Variants in FREM1 observed in about 807,000 individuals in gnomAD.
FREM1 encodes FRAS1 related extracellular matrix 1.
A neutral mutation model predicts 210.1 loss-of-function variants in FREM1; 220 were observed. That is an observed-to-expected ratio of 1.05 (90% CI 0.94 to 1.17). FREM1 has a LOEUF of 1.17. Ranked by LOEUF, FREM1 falls within the 50% of genes most tolerant of loss-of-function variation. The probability of loss-of-function intolerance (pLI) is 0.00; values close to 1 mark genes in which losing one functional copy is unlikely to be tolerated. For synonymous variants in FREM1, 1,189 were observed against 980.2 expected (o/e 1.21, Z -3.98); for missense variants, 3,454 against 2,675.5 (o/e 1.29, Z -6.42).
intron 10 of FREM1, among the ~76,000 whole-genome samples, chr9:14,833,766 T>C (rs1463446904): frequency 6.6e-6 from 1 of 152,230 alleles, no homozygotes; most frequent in Non-Finnish European, 1.5e-5. Context: ...TTTCTTTTTT[T>C]GGATGTTGTT....
chr9:14,786,265 C>T (rs1850411567), intron 23 of FREM1, among the ~76,000 whole-genome samples: 1 of 152,158 alleles, frequency 6.6e-6, no homozygotes, highest in Admixed American at 6.5e-5. Flanking sequence ...GAGCCCAGAG[C>T]ACAAGCTCTT....
intron 7 of FREM1, among the ~76,000 whole-genome samples, 176 bp from the exon 8 acceptor site, chr9:14,846,267 C>A (rs909746324): frequency 1.3e-5 from 2 of 152,086 alleles, no homozygotes; most frequent in African/African-American, 4.8e-5. Context: ...GAACAGAAAA[C>A]CAAACACCAC....
chr9:14,770,918 T>C (rs554128249), intron 25 of FREM1, 112 bp from the exon 26 acceptor site: 2 of 696,960 alleles, frequency 2.9e-6, no homozygotes, highest in Admixed American at 2.4e-5. Context: ...GGATTCCTTA[T>C]ACTCCTCACT....
At chr9:14,865,868 C>G (rs1831427551) in intron 2 of FREM1, among the ~76,000 whole-genome samples, 1 of 152,138 alleles carries the variant, frequency 6.6e-6, no homozygotes, top group African/African-American at 2.4e-5. Context: ...GAACAATCAC[C>G]TGGCAGTTTG....
At position 14,792,850 on chromosome 9, in the gene FREM1, G is replaced by A. The variant is rs199806592; in HGVS notation, c.3874C>T (p.Arg1292Cys). The change falls in exon 22 of 37, where the codon CGT becomes TGT. Residue 1292 changes from arginine to cysteine, a missense_variant. Transcript: ENST00000380880. ...GAAAGAATAGCACTGGAAATAATAC[G>A]AGTTTCACCCATATTCATTGCAATT... The part of the protein sequence containing the change: ...AEIAMNMGET[R>C]IISSAILSAI... 8.9e-4 allele frequency: 1,423 copies of A among 1,594,240 alleles called. 3 individuals are homozygous for A. The highest frequency in any genetic ancestry group is 1.0e-3 in the Non-Finnish European group (1,171 of 1,168,718).
At chr9:14,817,907 CT>C (rs911028844) in intron 14 of FREM1, among the ~76,000 whole-genome samples, 1 of 152,098 alleles carries the variant, frequency 6.6e-6, no homozygotes, top group Non-Finnish European at 1.5e-5. Context: ...AGTGATAATT[CT>C]TTTTTACTAA....
chr9:14,844,022 A>G lies in FREM1; in HGVS notation c.1394-1362T>C, dbSNP rs546106180. Among the ~76,000 whole-genome samples the G allele has an allele frequency of 2.0e-5, 3 of 152,326 alleles. No homozygotes were observed. In the East Asian group the frequency reaches 5.8e-4, roughly 29 times the overall value. ...GAATAATAATAGTATCTAATATCAT[A>G]AAGTTGATATGAGATAACAAGTTAA... is the stretch of plus-strand genomic sequence containing the variant. On this transcript the variant is annotated intron_variant, in intron 8 of 36. Transcript: ENST00000380880.
intron 1 of FREM1, among the ~76,000 whole-genome samples, chr9:14,877,489 C>G (rs1185971615): frequency 6.7e-6 from 1 of 148,598 alleles, no homozygotes; most frequent in Admixed American, 6.8e-5. Flanking sequence ...TAATTCCAGT[C>G]TCCTAGTATC....
chr9:14,803,479 C>T (rs1391082285), intron 19 of FREM1, among the ~76,000 whole-genome samples: 1 of 151,964 alleles, frequency 6.6e-6, no homozygotes, highest in Non-Finnish European at 1.5e-5. Flanking sequence ...CCCACCTCAG[C>T]CCCCAAGTAG....
intron 22 of FREM1, among the ~76,000 whole-genome samples, chr9:14,789,379 G>T (rs981647391): frequency 1.3e-5 from 2 of 152,170 alleles, no homozygotes; most frequent in African/African-American, 4.8e-5. Flanking sequence ...TACTTCCAAG[G>T]TGTTCCTCAT....
chr9:14,902,449 G>A (rs1410346487), intron 1 of FREM1, among the ~76,000 whole-genome samples: 4 of 152,278 alleles, frequency 2.6e-5, no homozygotes, highest in Admixed American at 1.3e-4. Flanking sequence ...ATTTCCATGC[G>A]CTATCAAGGG....
chr9:14,752,003 GT>G lies in FREM1; in HGVS notation c.5408-1728del, dbSNP rs1181463388. ...GCAAAAGCAGAAGTTGAAGCATCTA[GT>G]ATGTATAATAATACCATACAATTCC... is the stretch of plus-strand genomic sequence containing the variant. On this transcript the variant is annotated intron_variant, in intron 29 of 36. Coordinates refer to ENST00000380880, the MANE Select transcript of FREM1 (RefSeq NM_001379081.2). Among the ~76,000 whole-genome samples the G allele has an allele frequency of 2.0e-5, 3 of 149,750 alleles. No homozygotes were observed. In the East Asian group the frequency reaches 5.8e-4, roughly 29 times the overall value.
At chr9:14,849,174 T>G (rs1193774994) in intron 6 of FREM1, among the ~76,000 whole-genome samples, 1 of 152,118 alleles carries the variant, frequency 6.6e-6, no homozygotes, top group Non-Finnish European at 1.5e-5. Flanking sequence ...TCTGGAGGCA[T>G]TTTTAATTTC....
chr9:14,854,005 G>A (rs774705864), intron 5 of FREM1, among the ~76,000 whole-genome samples: 9 of 152,298 alleles, frequency 5.9e-5, no homozygotes, highest in Admixed American at 1.3e-4. Flanking sequence ...TCATATGCTA[G>A]AACTGAAATT....
chr9:14,820,473 G>C (rs1248557150), intron 13 of FREM1, among the ~76,000 whole-genome samples: 1 of 152,170 alleles, frequency 6.6e-6, no homozygotes, highest in African/African-American at 2.4e-5. Context: ...GATGTTCCCT[G>C]AAGAAAGAGC....
intron 36 of FREM1, 101 bp from the exon 37 acceptor site, chr9:14,737,696 G>T: frequency 1.1e-6 from 1 of 952,350 alleles, no homozygotes; most frequent in South Asian, 2.6e-5. Context: ...ATGCAAGTGT[G>T]GGCCCAGGTT....
chr9:14,789,179 G>A, intron 22 of FREM1, 65 bp from the exon 23 acceptor site: 2 of 1,054,944 alleles, frequency 1.9e-6, no homozygotes, highest in Non-Finnish European at 2.7e-6. Flanking sequence ...TACGTTAGTG[G>A]ACATTTTCTG....
intron 13 of FREM1, among the ~76,000 whole-genome samples, chr9:14,820,975 A>G (rs10961732): frequency 0.16 from 24,841 of 152,134 alleles, 2,122 homozygotes; most frequent in African/African-American, 0.23. Flanking sequence ...GCTTTGCTAC[A>G]TTAGGTGATT....
At chr9:14,828,820 G>A (rs918121810) in intron 10 of FREM1, among the ~76,000 whole-genome samples, 4 of 152,112 alleles carry the variant, frequency 2.6e-5, no homozygotes, top group African/African-American at 7.2e-5. Context: ...TTACAAATGA[G>A]TCTCTCTCCC....
Sources: gnomAD v4.1 joint callset for allele counts (sites outside exome capture counted in the v4.1 genomes callset) on GRCh38, gnomAD v4.1.1 for gene constraint, MANE v1.5 for transcripts, NCBI Gene and HGNC (gene_info 2026-07-23, HGNC 2026-07-21) for gene names.